The following DGKB variants were observed in gnomAD, a reference collection of about 807,000 sequenced individuals.
DGKB encodes 90 kDa diacylglycerol kinase.
In DGKB, 67 loss-of-function variants were observed where a neutral mutation model predicts 114.3. That is an observed-to-expected ratio of 0.59 (90% confidence interval 0.48 to 0.72). The LOEUF is 0.72. Among genes scored for constraint, DGKB ranks in the 30% least tolerant of loss-of-function variants. The pLI is 0.00. For missense variants in DGKB, 907 were observed against 975.2 expected (o/e 0.93, Z 0.93); for synonymous variants, 398 against 323.1 (o/e 1.23, Z -2.49).
chr7:14,881,998 G>A (rs1854302883), intron 1 of DGKB, among the ~76,000 whole-genome samples: 1 of 151,746 alleles, frequency 6.6e-6, no homozygotes, highest in Non-Finnish European at 1.5e-5. Flanking sequence ...CCTTTACTAA[G>A]GAATGAGCCA....
intron 17 of DGKB, among the ~76,000 whole-genome samples, chr7:14,584,212 TATA>T (rs1387998604): frequency 1.3e-4 from 20 of 152,346 alleles, no homozygotes; most frequent in East Asian, 3.9e-4. Context: ...CATCATGTTT[TATA>T]ATAAGTTCAT....
intron 25 of DGKB, among the ~76,000 whole-genome samples, chr7:14,156,896 A>G (rs1396544822): frequency 6.6e-6 from 1 of 152,132 alleles, no homozygotes; most frequent in Non-Finnish European, 1.5e-5. Flanking sequence ...TAATGTACCA[A>G]CTGATCAAAT....
intron 21 of DGKB, among the ~76,000 whole-genome samples, chr7:14,357,114 G>T (rs1038684765): frequency 6.6e-6 from 1 of 152,286 alleles, no homozygotes; most frequent in African/African-American, 2.4e-5. Context: ...TATTAGGTCT[G>T]CTTGGTGCAG....
intron 13 of DGKB, among the ~76,000 whole-genome samples, chr7:14,663,979 GACTTGAGGTTCATGAAATCTTTAC>G (rs1177561321): frequency 4.0e-5 from 6 of 151,882 alleles, no homozygotes; most frequent in Non-Finnish European, 8.8e-5. Flanking sequence ...TACAAAGCTG[GACTTGAGGTTCATGAAATCTTTAC>G]ACTTGAGGTT....
chr7:14,625,511 G>A (rs1488981371), intron 14 of DGKB, among the ~76,000 whole-genome samples: 4 of 133,520 alleles, frequency 3.0e-5, no homozygotes, highest in Non-Finnish European at 6.6e-5. Context: ...CAATGTTGAA[G>A]TTATTGAAAG....
chr7:14,851,237 A>G (rs1177470016), intron 1 of DGKB, among the ~76,000 whole-genome samples: 2 of 152,168 alleles, frequency 1.3e-5, no homozygotes, highest in African/African-American at 2.4e-5. Context: ...CAAAAAATCT[A>G]AAAGAAAAAA....
At chr7:14,424,089 T>C (rs1827139437) in intron 21 of DGKB, among the ~76,000 whole-genome samples, 1 of 152,088 alleles carries the variant, frequency 6.6e-6, no homozygotes, top group Admixed American at 6.6e-5. Flanking sequence ...ATTTAAATCC[T>C]TACTCTCTAC....
At chr7:14,735,168 C>G (rs1437409561) in intron 5 of DGKB, among the ~76,000 whole-genome samples, 1 of 152,178 alleles carries the variant, frequency 6.6e-6, no homozygotes, top group Non-Finnish European at 1.5e-5. Flanking sequence ...GGTGATGCAC[C>G]CTCCTCAGAG....
At chr7:14,760,522 TAAG>T (rs766707631) in intron 2 of DGKB, among the ~76,000 whole-genome samples, 1 of 152,048 alleles carries the variant, frequency 6.6e-6, no homozygotes, top group Non-Finnish European at 1.5e-5. Flanking sequence ...TTGTGGGTAA[TAAG>T]GCACTATTCT....
intron 2 of DGKB, among the ~76,000 whole-genome samples, chr7:14,838,193 A>C (rs1235355605): frequency 1.3e-5 from 2 of 152,164 alleles, no homozygotes; most frequent in Non-Finnish European, 2.9e-5. Context: ...GTACCTCCAT[A>C]TTCATTAGCC....
At chr7:14,200,489 G>C (rs2128287956) in intron 23 of DGKB, among the ~76,000 whole-genome samples, 1 of 152,120 alleles carries the variant, frequency 6.6e-6, no homozygotes, top group South Asian at 2.1e-4. Flanking sequence ...ATTTCTAATT[G>C]TCTCTTTTTG....
At chr7:14,388,348 A>G (rs944999345) in intron 21 of DGKB, among the ~76,000 whole-genome samples, 2 of 148,550 alleles carry the variant, frequency 1.3e-5, no homozygotes, top group Middle Eastern at 3.6e-3. Flanking sequence ...AAATATATAT[A>G]CATATTTTAA....
At chr7:14,927,496 C>A (rs1040659425) in intron 1 of DGKB, among the ~76,000 whole-genome samples, 7 of 147,230 alleles carry the variant, frequency 4.8e-5, no homozygotes, top group African/African-American at 1.7e-4. Flanking sequence ...TGCTTTATAT[C>A]AGCTCTCTAA....
chr7:14,566,735 C>A (rs1227927456), intron 20 of DGKB, among the ~76,000 whole-genome samples: 1 of 152,082 alleles, frequency 6.6e-6, no homozygotes, highest in Non-Finnish European at 1.5e-5. Flanking sequence ...ATGCTCCAGG[C>A]ACATTGACCT....
intron 23 of DGKB, among the ~76,000 whole-genome samples, chr7:14,314,326 A>C (rs1329823759): frequency 6.6e-6 from 1 of 152,068 alleles, no homozygotes; most frequent in African/African-American, 2.4e-5. Flanking sequence ...AGATGATCAA[A>C]TTACTCTGAG....
chr7:14,386,959 C>T (rs1231834587), intron 21 of DGKB, among the ~76,000 whole-genome samples: 12 of 151,744 alleles, frequency 7.9e-5, no homozygotes, highest in Admixed American at 7.2e-4. Flanking sequence ...TTAAAATAGT[C>T]ATTAAAATAT....
intron 2 of DGKB, among the ~76,000 whole-genome samples, chr7:14,829,689 T>A (rs1846153814): frequency 6.6e-6 from 1 of 152,230 alleles, no homozygotes; most frequent in African/African-American, 2.4e-5. Context: ...GCTTGTTTGA[T>A]CATACTGTAG....
chr7:14,377,937 G>T (rs894605484), intron 21 of DGKB, among the ~76,000 whole-genome samples: 2 of 152,274 alleles, frequency 1.3e-5, no homozygotes, highest in African/African-American at 4.8e-5. Context: ...CTTTGATAAT[G>T]TCCTAAAACT....
At chr7:14,792,915 C>A (rs1346696810) in intron 2 of DGKB, among the ~76,000 whole-genome samples, 1 of 152,026 alleles carries the variant, frequency 6.6e-6, no homozygotes, top group Non-Finnish European at 1.5e-5. Flanking sequence ...AATTAATGAA[C>A]ATACAGATTA....
Sources: allele counts gnomAD v4.1 joint callset (sites outside exome capture counted in the v4.1 genomes callset), GRCh38; gene constraint gnomAD v4.1.1; transcripts MANE v1.5; gene names NCBI Gene and HGNC (gene_info 2026-07-23, HGNC 2026-07-21).